Variants in FRYL observed in about 807,000 individuals in gnomAD.
FRYL encodes FRY like transcription coactivator, also known as protein furry homolog-like.
Under a neutral mutation model 351.2 loss-of-function variants are expected in FRYL, and 150 were observed. That is an observed-to-expected ratio of 0.43 (90% CI 0.37 to 0.49). FRYL has a LOEUF of 0.49. FRYL is among the 20% of genes least tolerant of loss of function. The pLI is 0.00. For synonymous variants in FRYL, 1,153 were observed against 1,257.1 expected (o/e 0.92, Z 1.75); for missense variants, 3,036 against 3,619.3 (o/e 0.84, Z 4.13).
In FRYL at chr4:48,515,226, T is replaced by C. The variant is rs772409162; in HGVS notation, c.7739A>G (p.Glu2580Gly). The C allele has an allele frequency of 6.2e-7, 1 of 1,611,548 alleles. No homozygotes were observed. Among genetic ancestry groups the C allele is most frequent in the Non-Finnish European group, 8.5e-7 (1 of 1,177,726 alleles). ...CTGTTCTTGAATTATATAGGATCCT[T>C]CATCTTCAAAGGTTGTAACATGTTC... ...KEEHVTTFED[E>G]GSYIIQEQQE... is the part of the protein sequence containing the mutation. The change falls in exon 56 of 64, where the codon GAA becomes GGA. Residue 2580 changes from glutamate (E) to glycine (G), a missense_variant. Around this residue, in one of 7 missense-constraint regions of FRYL, gnomAD observed 1,987 missense variants for 2,311.7 expected, o/e 0.86. Coordinates refer to ENST00000358350, the MANE Select transcript of FRYL (RefSeq NM_015030.2).
intron 1 of FRYL, among the ~76,000 whole-genome samples, chr4:48,777,543 C>G (rs1183219586): frequency 6.6e-6 from 1 of 152,056 alleles, no homozygotes; most frequent in African/African-American, 2.4e-5. Flanking sequence ...GTTCATAACT[C>G]AAGAAATGTG....
At position 48,592,114 on chromosome 4, in the gene FRYL, A is replaced by T. The variant is rs866421268; in HGVS notation, c.1336-1284T>A. ...TATATATATATATATATATATATAT[A>T]TTTTATCTAAGTAAGATTAAAAGTT... On this transcript the variant is annotated intron_variant, in intron 16 of 63. Transcript: ENST00000358350. Among the ~76,000 whole-genome samples, 636 of 136,890 alleles carry T rather than the reference A, an allele frequency of 4.6e-3. 14 individuals carry two copies. Among genetic ancestry groups the T allele is most frequent in the African/African-American group, 0.018 (605 of 34,344 alleles). The allele number at this position is 136,890 out of a possible 152,430, so 89.8% of individuals were successfully genotyped here. A position where few individuals can be genotyped will look rare whatever the true frequency, so the allele number is the denominator to read the frequency against.
intron 3 of FRYL, among the ~76,000 whole-genome samples, chr4:48,656,328 C>CTAAATATATTATATAATATATAA (rs1560799479): frequency 6.4e-5 from 8 of 124,464 alleles, no homozygotes; most frequent in South Asian, 2.5e-4. Flanking sequence ...ATAATATATA[C>CTAAATATATTATATAATATATAA]TAAATATATT....
At chr4:48,624,967 G>A (rs1266255097) in intron 4 of FRYL, among the ~76,000 whole-genome samples, 1 of 152,102 alleles carries the variant, frequency 6.6e-6, no homozygotes, top group African/African-American at 2.4e-5. Flanking sequence ...GTTCTTCTTG[G>A]GTTTCGAATG....
chr4:48,548,962 A>C (rs571186006), intron 39 of FRYL, among the ~76,000 whole-genome samples, 169 bp from the exon 40 acceptor site: 1 of 152,354 alleles, frequency 6.6e-6, no homozygotes, highest in African/African-American at 2.4e-5. Flanking sequence ...TTAACCATTA[A>C]GTTAAAGAGA....
chr4:48,775,502 C>A (rs911980112), intron 1 of FRYL, among the ~76,000 whole-genome samples: 1 of 152,130 alleles, frequency 6.6e-6, no homozygotes, highest in Non-Finnish European at 1.5e-5. Flanking sequence ...CTTTGGAAAC[C>A]CTTTCTGCCC....
At chr4:48,560,991 G>A (rs1378610906) in intron 33 of FRYL, among the ~76,000 whole-genome samples, 2 of 152,126 alleles carry the variant, frequency 1.3e-5, no homozygotes, top group East Asian at 1.9e-4. Context: ...TGATGTAGGC[G>A]ACAAGCAACA....
intron 35 of FRYL, among the ~76,000 whole-genome samples, chr4:48,555,481 G>A (rs1409302298): frequency 6.6e-6 from 1 of 152,190 alleles, no homozygotes; most frequent in African/African-American, 2.4e-5. Context: ...TGCATTTGCA[G>A]TTTTAGACAG....
chr4:48,592,082 T>TTATATA lies in FRYL; in HGVS notation c.1336-1258_1336-1253dup, dbSNP rs56320005. Among the ~76,000 whole-genome samples the TTATATA allele has an allele frequency of 8.1e-3, 936 of 116,004 alleles. 46 individuals are homozygous for TTATATA. Among genetic ancestry groups the TTATATA allele is most frequent in the African/African-American group, 0.033 (740 of 22,128 alleles). The allele number at this position is 116,004 out of a possible 152,430, so 76.1% of individuals were successfully genotyped here. ...GGAATACGGGAAGAAAATAAAGCTC[T>TTATATA]TATATATATATATATATATATATAT... On this transcript the variant is annotated intron_variant, in intron 16 of 63. Coordinates refer to ENST00000358350, the MANE Select transcript of FRYL (RefSeq NM_015030.2).
intron 13 of FRYL, among the ~76,000 whole-genome samples, chr4:48,597,711 T>G (rs1293958135): frequency 6.6e-6 from 1 of 152,194 alleles, no homozygotes; most frequent in East Asian, 1.9e-4. Flanking sequence ...CTATTCTACA[T>G]AAAAACTGTT....
At chr4:48,646,646 T>C (rs1483599246) in intron 3 of FRYL, among the ~76,000 whole-genome samples, 1 of 152,082 alleles carries the variant, frequency 6.6e-6, no homozygotes, top group East Asian at 1.9e-4. Context: ...TGACCAGTAG[T>C]GGAATAGGCC....
intron 59 of FRYL, among the ~76,000 whole-genome samples, chr4:48,507,500 G>C (rs1721397761): frequency 6.6e-6 from 1 of 151,102 alleles, no homozygotes; most frequent in Non-Finnish European, 1.5e-5. Context: ...AATGATGGAA[G>C]CTGAATCCTA....
rs1400437787 is a variant in FRYL, at chr4:48,645,123, T to TA, written c.-80-10634_-80-10633insT. 1.0e-2 allele frequency among the ~76,000 whole-genome samples: 400 copies of TA among 40,004 alleles called. 5 individuals carry two copies. Among genetic ancestry groups the TA allele is most frequent in the African/African-American group, 0.017 (166 of 9,600 alleles). The allele number at this position is 40,004 out of a possible 152,430, so 26.2% of individuals were successfully genotyped here. On this transcript the variant is annotated intron_variant, in intron 3 of 63. Transcript: ENST00000358350. ...AATTAAACCAGCAGTGAGCTTTCAT[T>TA]TTATATATATATATATATATATATA...
chr4:48,676,538 G>A (rs1763712023), intron 3 of FRYL, among the ~76,000 whole-genome samples: 1 of 151,660 alleles, frequency 6.6e-6, no homozygotes, highest in Non-Finnish European at 1.5e-5. Context: ...CCCGCCACCA[G>A]GCCCGGCTAT....
chr4:48,586,826 C>A (rs1324260203), intron 18 of FRYL, 98 bp from the exon 19 acceptor site: 9 of 719,472 alleles, frequency 1.3e-5, no homozygotes, highest in Non-Finnish European at 2.1e-5. Flanking sequence ...GAGTCCTCCC[C>A]TAAAGTTCAA....
In FRYL at chr4:48,610,490, C is replaced by T. The variant is rs183362513; in HGVS notation, c.412-667G>A. 4.1e-3 allele frequency among the ~76,000 whole-genome samples: 626 copies of T among 151,640 alleles called. 5 individuals carry two copies. Among genetic ancestry groups the T allele is most frequent in the Middle Eastern group, 6.9e-3 (2 of 290 alleles). ...GCGTGCATTCCTTAGTTTTACTTAA[C>T]CAAATAATGTATCTTTCCATGTCAG... is the stretch of plus-strand genomic sequence containing the variant. On this transcript the variant is annotated intron_variant, in intron 7 of 63. Coordinates refer to ENST00000358350, the MANE Select transcript of FRYL (RefSeq NM_015030.2).
intron 48 of FRYL, 45 bp downstream of exon 48, chr4:48,535,612 C>A: frequency 8.2e-7 from 1 of 1,214,142 alleles, no homozygotes; most frequent in Non-Finnish European, 1.1e-6. Flanking sequence ...CACACACACA[C>A]ACATATATAT....
chr4:48,601,304 T>G (rs941180208), intron 13 of FRYL, among the ~76,000 whole-genome samples: 1 of 152,182 alleles, frequency 6.6e-6, no homozygotes, highest in Non-Finnish European at 1.5e-5. Context: ...TAAGTATATA[T>G]CAAAAGAATA....
Position 48,570,837 on chromosome 4 carries a change from T to C in FRYL, c.2986A>G (p.Ile996Val), listed in dbSNP as rs1179595820. Residue 996 changes from isoleucine to valine, a missense_variant, in exon 27 of 64, where the codon ATT becomes GTT. Transcript: ENST00000358350. ...IFELLADAGV[I>V]SHSASGGLDN... ...GAATCCAATACTGACCTGTGACTAATGACACCAGCATCTGCCAGCAGTTCA... is the reference window on the plus strand; with the variant it reads ...GAATCCAATACTGACCTGTGACTAACGACACCAGCATCTGCCAGCAGTTCA... The C allele has an allele frequency of 1.6e-5, 25 of 1,611,452 alleles. No individual in the cohort carries two copies. Among genetic ancestry groups the C allele is most frequent in the Non-Finnish European group, 2.0e-5 (23 of 1,177,622 alleles).
Sources: gnomAD v4.1 joint callset for allele counts (sites outside exome capture counted in the v4.1 genomes callset) on GRCh38, gnomAD v4.1.1 for gene constraint, gnomAD v4.1.1 regional missense constraint, MANE v1.5 for transcripts, NCBI Gene and HGNC (gene_info 2026-07-23, HGNC 2026-07-21) for gene names.